The following ULK4 variants were observed in gnomAD, a reference collection of about 807,000 sequenced individuals.
ULK4 encodes the protein inactive serine/threonine-protein kinase ULK4.
ULK4 carries 133 observed loss-of-function variants against 160.6 expected under a neutral mutation model. That is an observed-to-expected ratio of 0.83 (90% CI 0.72 to 0.96). The LOEUF is 0.96. ULK4 is among the 40% of genes least tolerant of loss of function. ULK4 has a pLI of 0.00. For synonymous variants in ULK4, 534 were observed against 539.8 expected (o/e 0.99, Z 0.15); for missense variants, 1,580 against 1,499.5 (o/e 1.05, Z -0.89).
At chr3:41,855,704 T>C (rs558282696) in intron 17 of ULK4, among the ~76,000 whole-genome samples, 4 of 152,228 alleles carry the variant, frequency 2.6e-5, no homozygotes, top group Non-Finnish European at 5.9e-5. Flanking sequence ...GAAGCTCACT[T>C]TAAATTGCAT....
At chr3:41,774,076 A>G (rs532512826) in intron 21 of ULK4, among the ~76,000 whole-genome samples, 1 of 152,314 alleles carries the variant, frequency 6.6e-6, no homozygotes, top group East Asian at 1.9e-4. Flanking sequence ...TCAATTCAAG[A>G]TGGATTAAAG....
At chr3:41,325,547 C>T (rs2080323852) in intron 35 of ULK4, among the ~76,000 whole-genome samples, 1 of 152,092 alleles carries the variant, frequency 6.6e-6, no homozygotes, top group Non-Finnish European at 1.5e-5. Context: ...GAGACTAAAA[C>T]TGCATGTGAG....
chr3:41,819,508 T>C lies in ULK4; in HGVS notation c.1765-2A>G. On this transcript the variant is annotated splice_acceptor_variant, in intron 18 of 36. Coordinates refer to ENST00000301831, the MANE Select transcript of ULK4 (RefSeq NM_017886.4). LOFTEE classifies it high-confidence loss of function. ...TCTAGGGTTCTTTTTTTTTTCTTCC[T>C]AAAATGAAGTGGGAAAAAAAAAGGC... is the stretch of plus-strand genomic sequence containing the variant. 1 of 1,585,312 alleles carries C rather than the reference T, an allele frequency of 6.3e-7. No homozygotes were observed. The highest frequency in any genetic ancestry group is 8.5e-7 in the Non-Finnish European group (1 of 1,175,500).
chr3:41,837,550 T>G (rs751727415), intron 17 of ULK4, among the ~76,000 whole-genome samples: 3 of 151,100 alleles, frequency 2.0e-5, no homozygotes, highest in Non-Finnish European at 4.4e-5. Context: ...TCCATGTTGC[T>G]GCATATATCA....
chr3:41,325,714 G>A (rs894091836), intron 35 of ULK4, among the ~76,000 whole-genome samples: 5 of 151,956 alleles, frequency 3.3e-5, no homozygotes, highest in South Asian at 2.1e-4. Context: ...TCAGGAGTTC[G>A]TGACCAGTCT....
chr3:41,945,774 T>C (rs1378957263), intron 2 of ULK4, among the ~76,000 whole-genome samples: 1 of 152,106 alleles, frequency 6.6e-6, no homozygotes, highest in East Asian at 1.9e-4. Flanking sequence ...CACCCAAAAT[T>C]AAAATGCCCG....
At chr3:41,824,076 T>C (rs1162524824) in intron 18 of ULK4, among the ~76,000 whole-genome samples, 2 of 148,268 alleles carry the variant, frequency 1.3e-5, no homozygotes, top group African/African-American at 5.0e-5. Flanking sequence ...AACAGGAGAA[T>C]TGCTTGAATC....
chr3:41,409,124 C>T (rs2082358276), intron 34 of ULK4, among the ~76,000 whole-genome samples: 1 of 152,142 alleles, frequency 6.6e-6, no homozygotes, highest in South Asian at 2.1e-4. Context: ...GACACGGGAG[C>T]ACACACTTAT....
chr3:41,881,284 T>TAAAAAAA (rs58977381), intron 17 of ULK4, among the ~76,000 whole-genome samples: 5 of 126,278 alleles, frequency 4.0e-5, no homozygotes, highest in Admixed American at 1.5e-4. Flanking sequence ...CAGAAACTTC[T>TAAAAAAA]AAAAAAAAAA....
intron 6 of ULK4, among the ~76,000 whole-genome samples, chr3:41,919,312 GT>G (rs978402189): frequency 1.4e-4 from 21 of 152,240 alleles, no homozygotes; most frequent in Non-Finnish European, 2.2e-4. Context: ...TAAGGTCACA[GT>G]TTTTTTGGCC....
intron 35 of ULK4, among the ~76,000 whole-genome samples, chr3:41,278,553 G>A (rs754694778): frequency 1.3e-5 from 2 of 152,162 alleles, no homozygotes; most frequent in Admixed American, 6.5e-5. Flanking sequence ...GGGGCCAACA[G>A]ATACCTCGTA....
At chr3:41,543,809 C>T (rs566261217) in intron 32 of ULK4, among the ~76,000 whole-genome samples, 16 of 152,196 alleles carry the variant, frequency 1.1e-4, no homozygotes, top group East Asian at 5.8e-4. Flanking sequence ...CCATCATTGA[C>T]CCCCTTTAGT....
intron 35 of ULK4, among the ~76,000 whole-genome samples, chr3:41,272,775 CTTTA>C (rs2079160846): frequency 6.6e-6 from 1 of 152,076 alleles, no homozygotes; most frequent in African/African-American, 2.4e-5. Context: ...CAACAGTTAT[CTTTA>C]TTTATTTCTG....
chr3:41,816,781 C>T (rs540226215), intron 19 of ULK4, among the ~76,000 whole-genome samples: 1 of 152,034 alleles, frequency 6.6e-6, no homozygotes, highest in Non-Finnish European at 1.5e-5. Context: ...GTGAAATCCT[C>T]TCTCAAAAAA....
chr3:41,388,786 T>C (rs946453597), intron 35 of ULK4, among the ~76,000 whole-genome samples: 1 of 152,164 alleles, frequency 6.6e-6, no homozygotes, highest in Non-Finnish European at 1.5e-5. Flanking sequence ...AGCCTTGTAG[T>C]ATAGTTTGAA....
chr3:41,434,011 CA>C (rs749384697), intron 34 of ULK4, among the ~76,000 whole-genome samples: 6 of 152,192 alleles, frequency 3.9e-5, no homozygotes, highest in Non-Finnish European at 8.8e-5. Flanking sequence ...CGTGAGCCAC[CA>C]CACCCGGCCT....
At chr3:41,823,431 G>C (rs923430751) in intron 18 of ULK4, among the ~76,000 whole-genome samples, 1 of 151,978 alleles carries the variant, frequency 6.6e-6, no homozygotes, top group African/African-American at 2.4e-5. Context: ...AGAAATTATG[G>C]GATAAAACAA....
intron 21 of ULK4, among the ~76,000 whole-genome samples, chr3:41,771,408 G>C (rs2039367916): frequency 6.6e-6 from 1 of 152,078 alleles, no homozygotes; most frequent in Admixed American, 6.6e-5. Flanking sequence ...AAGAACAAAA[G>C]GAACCGTAGA....
intron 34 of ULK4, among the ~76,000 whole-genome samples, chr3:41,400,937 T>G (rs910765898): frequency 3.3e-5 from 5 of 152,230 alleles, no homozygotes; most frequent in African/African-American, 1.2e-4. Flanking sequence ...TGGCAACTGA[T>G]AGTGAACATC....
Sources: allele counts gnomAD v4.1 joint callset (sites outside exome capture counted in the v4.1 genomes callset), GRCh38; gene constraint gnomAD v4.1.1; transcripts MANE v1.5; gene names NCBI Gene and HGNC (gene_info 2026-07-23, HGNC 2026-07-21).